The following TTC3 variants were observed in gnomAD, a reference collection of about 807,000 sequenced individuals.
The protein encoded by TTC3 is E3 ubiquitin-protein ligase TTC3.
In TTC3, 180 loss-of-function variants were observed where a neutral mutation model predicts 249.6. The observed-to-expected ratio is 0.72, with a 90% CI of 0.64 to 0.82. TTC3 has a LOEUF of 0.82. Ranked by LOEUF, TTC3 falls within the 40% of genes least tolerant of loss-of-function variation. The probability of loss-of-function intolerance (pLI) is 0.00; values close to 1 mark genes in which losing one functional copy is unlikely to be tolerated. For missense variants in TTC3, 2,061 were observed against 2,398.4 expected (o/e 0.86, Z 2.94); for synonymous variants, 717 against 805.0 (o/e 0.89, Z 1.85).
intron 35 of TTC3, among the ~76,000 whole-genome samples, chr21:37,178,689 G>T (rs984984577): frequency 6.6e-6 from 1 of 152,174 alleles, no homozygotes; most frequent in Non-Finnish European, 1.5e-5. Context: ...GCCAGGTGCG[G>T]TGGCTTACAC....
At chr21:37,124,639 T>C (rs1381142743) in exon 14 of TTC3, 1 of 1,612,008 alleles carries the variant, frequency 6.2e-7, no homozygotes, top group Non-Finnish European at 8.5e-7. Flanking sequence ...CCTAGGAGTT[T>C]ATCAGCACCT....
At chr21:37,134,217 C>T (rs187901878) in intron 17 of TTC3, among the ~76,000 whole-genome samples, 10 of 152,064 alleles carry the variant, frequency 6.6e-5, no homozygotes, top group Admixed American at 2.0e-4. Context: ...TTTGGGAGGC[C>T]GAGGCAGGCG....
intron 35 of TTC3, among the ~76,000 whole-genome samples, chr21:37,178,688 G>A (rs951820478): frequency 7.2e-5 from 11 of 152,106 alleles, no homozygotes; most frequent in Non-Finnish European, 4.4e-5. Context: ...GGCCAGGTGC[G>A]GTGGCTTACA....
chr21:37,150,348 G>C (rs891814784), intron 24 of TTC3, among the ~76,000 whole-genome samples, 178 bp downstream of exon 24: 1 of 152,130 alleles, frequency 6.6e-6, no homozygotes, highest in Non-Finnish European at 1.5e-5. Context: ...TGTAATGAAA[G>C]CATTCTTATA....
intron 38 of TTC3, chr21:37,187,864 C>G (rs529210646): frequency 6.6e-6 from 1 of 152,352 alleles, no homozygotes; most frequent in African/African-American, 2.4e-5. Flanking sequence ...ACACCAGCAT[C>G]CGTATTCCTG....
intron 19 of TTC3, among the ~76,000 whole-genome samples, chr21:37,140,067 C>T (rs903712795): frequency 1.3e-5 from 2 of 152,100 alleles, no homozygotes. Context: ...AAAGAATGTA[C>T]TCTAAGCTAT....
chr21:37,086,134 T>A (rs1314723868), intron 1 of TTC3: 2 of 152,204 alleles, frequency 1.3e-5, no homozygotes, highest in Non-Finnish European at 2.9e-5. Flanking sequence ...TGTGATATTG[T>A]GAAGTTTTCA....
intron 35 of TTC3, among the ~76,000 whole-genome samples, chr21:37,180,058 T>C (rs1017439835): frequency 2.6e-5 from 4 of 152,240 alleles, no homozygotes; most frequent in Non-Finnish European, 4.4e-5. Flanking sequence ...TTGAATGTTC[T>C]CTTAAGTGTC....
chr21:37,127,477 C>G (rs1218953202), intron 15 of TTC3, among the ~76,000 whole-genome samples: 1 of 152,150 alleles, frequency 6.6e-6, no homozygotes. Flanking sequence ...ATTTCTGAAT[C>G]TTAATACCAC....
At chr21:37,097,567 T>C (rs2074063829) in intron 10 of TTC3, among the ~76,000 whole-genome samples, 1 of 152,206 alleles carries the variant, frequency 6.6e-6, no homozygotes, top group Non-Finnish European at 1.5e-5. Context: ...ACTTGACAAG[T>C]TACTTAATTC....
At chr21:37,125,582 A>G (rs1212251732) in intron 14 of TTC3, among the ~76,000 whole-genome samples, 1 of 152,092 alleles carries the variant, frequency 6.6e-6, no homozygotes, top group Non-Finnish European at 1.5e-5. Flanking sequence ...GACCTAAATC[A>G]TAATAATGAT....
intron 17 of TTC3, among the ~76,000 whole-genome samples, chr21:37,134,686 C>T (rs975020156): frequency 6.6e-6 from 1 of 152,282 alleles, no homozygotes; most frequent in African/African-American, 2.4e-5. Context: ...ACTTTGGTGA[C>T]TTACAGCTAT....
exon 42 of TTC3, chr21:37,195,737 A>C: frequency 6.2e-7 from 1 of 1,614,104 alleles, no homozygotes; most frequent in Non-Finnish European, 8.5e-7. Flanking sequence ...TGACTTCTGC[A>C]AGCGACGTGA....
At chr21:37,121,831 T>C (rs753703176) in exon 12 of TTC3, 1 of 1,600,646 alleles carries the variant, frequency 6.2e-7, no homozygotes, top group Non-Finnish European at 8.5e-7. Flanking sequence ...ATTATCGTTA[T>C]TGTGATGCTC....
intron 29 of TTC3, 21 bp from the exon 30 acceptor site, chr21:37,160,781 A>AT (rs760274770): frequency 1.1e-5 from 18 of 1,612,152 alleles, no homozygotes; most frequent in Admixed American, 5.0e-5. Context: ...GTGTTCACTG[A>AT]TTTTTCCCCC....
At chr21:37,201,333 G>A in intron 45 of TTC3, 107 bp from the exon 46 acceptor site, 12 of 1,423,804 alleles carry the variant, frequency 8.4e-6, no homozygotes, top group Non-Finnish European at 1.2e-5. Flanking sequence ...AGGCCCAAGA[G>A]ACCAAGGGCA....
At chr21:37,078,784 T>C (rs1405977555) in intron 1 of TTC3, among the ~76,000 whole-genome samples, 3 of 152,134 alleles carry the variant, frequency 2.0e-5, no homozygotes, top group Non-Finnish European at 4.4e-5. Flanking sequence ...TGCTTTTAAT[T>C]TATTCATTTT....
intron 2 of TTC3, 84 bp from the exon 3 acceptor site, chr21:37,087,736 GCCCACTGAAAGTT>G (rs2072696457): frequency 3.2e-6 from 3 of 936,778 alleles, no homozygotes; most frequent in African/African-American, 3.4e-5. Flanking sequence ...ATAAATAAAT[GCCCACTGAAAGTT>G]CTTTGGTTAG....
intron 33 of TTC3, 112 bp from the exon 34 acceptor site, chr21:37,167,443 G>GAA (rs5843802): frequency 3.8e-3 from 2,366 of 626,910 alleles, no homozygotes; most frequent in East Asian, 4.4e-3. Context: ...ATCTAAATGG[G>GAA]AAAAAAAACT....
Sources: allele counts gnomAD v4.1 joint callset (sites outside exome capture counted in the v4.1 genomes callset), GRCh38; gene constraint gnomAD v4.1.1; transcripts MANE v1.5; gene names NCBI Gene and HGNC (gene_info 2026-07-23, HGNC 2026-07-21).